The following FGGY variants were observed in gnomAD, a reference collection of about 807,000 sequenced individuals.
FGGY encodes FGGY carbohydrate kinase domain containing.
FGGY carries 72 observed loss-of-function variants against 71.3 expected under a neutral mutation model. The observed-to-expected ratio is 1.01, with a 90% CI of 0.84 to 1.23. FGGY has a LOEUF of 1.23. Ranked by LOEUF, FGGY falls within the 50% of genes most tolerant of loss-of-function variation. The pLI, the probability that FGGY is intolerant of heterozygous loss-of-function variation, is 0.00. For synonymous variants in FGGY, 251 were observed against 250.3 expected, an observed-to-expected ratio of 1.00 and a Z score of -0.02; for missense variants, 668 against 682.3, an observed-to-expected ratio of 0.98 and a Z score of 0.23.
intron 5 of FGGY, among the ~76,000 whole-genome samples, chr1:59,452,087 T>A (rs1479420168): frequency 6.6e-6 from 1 of 151,904 alleles, no homozygotes; most frequent in South Asian, 2.1e-4. Flanking sequence ...TTTCTTTTTT[T>A]TTTTTTATTC....
At chr1:59,696,579 C>T (rs900968282) in intron 14 of FGGY, among the ~76,000 whole-genome samples, 2 of 152,208 alleles carry the variant, frequency 1.3e-5, no homozygotes, top group African/African-American at 4.8e-5. Flanking sequence ...AGGACTAAAC[C>T]TCATAGCATC....
intron 4 of FGGY, among the ~76,000 whole-genome samples, chr1:59,359,719 TCA>T (rs1444468269): frequency 1.3e-5 from 2 of 152,116 alleles, no homozygotes; most frequent in African/African-American, 4.8e-5. Context: ...TAGATAAACT[TCA>T]GAGTGTTTAG....
At chr1:59,492,589 A>G (rs2093901303) in intron 6 of FGGY, among the ~76,000 whole-genome samples, 1 of 152,148 alleles carries the variant, frequency 6.6e-6, no homozygotes, top group Non-Finnish European at 1.5e-5. Context: ...TCCAGTAGAT[A>G]TTATGAAAAC....
At chr1:59,655,313 A>G (rs963161837) in intron 11 of FGGY, among the ~76,000 whole-genome samples, 1 of 152,224 alleles carries the variant, frequency 6.6e-6, no homozygotes, top group African/African-American at 2.4e-5. Context: ...AAGAACGTGC[A>G]GGTTTGTTAA....
At chr1:59,493,436 A>T (rs2093940646) in intron 6 of FGGY, among the ~76,000 whole-genome samples, 1 of 152,156 alleles carries the variant, frequency 6.6e-6, no homozygotes, top group Admixed American at 6.6e-5. Flanking sequence ...TATACACATA[A>T]CAGAATATGA....
intron 4 of FGGY, among the ~76,000 whole-genome samples, chr1:59,361,400 C>T (rs777789620): frequency 2.0e-5 from 3 of 151,840 alleles, no homozygotes; most frequent in South Asian, 2.1e-4. Context: ...TCGAGGGGCT[C>T]GGGGAGGTAA....
chr1:59,497,245 GT>G (rs2094065780), intron 6 of FGGY, among the ~76,000 whole-genome samples: 1 of 152,194 alleles, frequency 6.6e-6, no homozygotes, highest in Non-Finnish European at 1.5e-5. Flanking sequence ...AGGAAAAAAA[GT>G]GCTTGAAGTG....
chr1:59,734,774 G>A (rs2098085582), intron 14 of FGGY, among the ~76,000 whole-genome samples: 1 of 152,192 alleles, frequency 6.6e-6, no homozygotes, highest in Admixed American at 6.5e-5. Context: ...CTCCCACAGA[G>A]AGAGGAAGGC....
chr1:59,475,929 G>A (rs1249833941), intron 6 of FGGY, among the ~76,000 whole-genome samples: 1 of 152,140 alleles, frequency 6.6e-6, no homozygotes, highest in Non-Finnish European at 1.5e-5. Flanking sequence ...CCCCATTGCA[G>A]CTGGGAAAAA....
At chr1:59,324,122 C>G (rs565698968) in intron 2 of FGGY, among the ~76,000 whole-genome samples, 1 of 152,234 alleles carries the variant, frequency 6.6e-6, no homozygotes, top group East Asian at 1.9e-4. Context: ...CCTGAGATGA[C>G]TTTCCTCTTA....
At chr1:59,370,723 C>T (rs1340381178) in intron 4 of FGGY, among the ~76,000 whole-genome samples, 1 of 151,632 alleles carries the variant, frequency 6.6e-6, no homozygotes, top group Admixed American at 6.6e-5. Flanking sequence ...AGAAACTCTA[C>T]AAGCCAGAAG....
intron 14 of FGGY, among the ~76,000 whole-genome samples, chr1:59,753,467 A>AT (rs2098263272): frequency 2.1e-5 from 1 of 47,864 alleles, no homozygotes; most frequent in Non-Finnish European, 4.1e-5. Context: ...CATAACTTTA[A>AT]ATATATATAT....
chr1:59,533,447 C>A (rs2095218655), intron 7 of FGGY, among the ~76,000 whole-genome samples: 2 of 152,222 alleles, frequency 1.3e-5, no homozygotes, highest in South Asian at 4.1e-4. Flanking sequence ...ATTGCCCAGG[C>A]TTGCTTAGGT....
At chr1:59,390,582 A>G (rs2060578515) in intron 5 of FGGY, among the ~76,000 whole-genome samples, 1 of 152,178 alleles carries the variant, frequency 6.6e-6, no homozygotes, top group Non-Finnish European at 1.5e-5. Flanking sequence ...GTGCTTGTAT[A>G]TTATTGACCA....
chr1:59,364,948 A>T (rs1264687466), intron 4 of FGGY, among the ~76,000 whole-genome samples: 3 of 152,044 alleles, frequency 2.0e-5, no homozygotes, highest in African/African-American at 7.2e-5. Flanking sequence ...GTAGAAGATG[A>T]CTCCTTTGGT....
intron 7 of FGGY, among the ~76,000 whole-genome samples, chr1:59,514,824 C>G (rs1433881605): frequency 1.3e-5 from 2 of 152,186 alleles, no homozygotes; most frequent in Non-Finnish European, 2.9e-5. Flanking sequence ...CCATGTGGAA[C>G]TGTAAGTCAA....
chr1:59,651,895 T>C (rs958392880), intron 11 of FGGY, among the ~76,000 whole-genome samples: 1 of 152,148 alleles, frequency 6.6e-6, no homozygotes, highest in African/African-American at 2.4e-5. Context: ...TGGTACCGAT[T>C]GTTCCTTTCC....
intron 14 of FGGY, chr1:59,698,992 A>G: frequency 1.0e-6 from 1 of 985,290 alleles, no homozygotes; most frequent in Non-Finnish European, 1.2e-6. Context: ...AACCATGTTT[A>G]AATATGTTTA....
At chr1:59,719,992 T>A (rs1436349184) in intron 14 of FGGY, among the ~76,000 whole-genome samples, 1 of 152,198 alleles carries the variant, frequency 6.6e-6, no homozygotes, top group Non-Finnish European at 1.5e-5. Context: ...TATAACTTTC[T>A]TGTTAAAGTC....
Sources: allele counts gnomAD v4.1 joint callset (sites outside exome capture counted in the v4.1 genomes callset), GRCh38; gene constraint gnomAD v4.1.1; transcripts MANE v1.5; gene names NCBI Gene and HGNC (gene_info 2026-07-23, HGNC 2026-07-21).